Variants in NCALD observed in about 807,000 individuals in gnomAD.
NCALD encodes the protein neurocalcin-delta.
A neutral mutation model predicts 18.6 loss-of-function variants in NCALD; 10 were observed. The observed-to-expected ratio is 0.54, with a 90% CI of 0.33 to 0.91. NCALD has a LOEUF of 0.91. Among genes scored for constraint, NCALD ranks in the 40% least tolerant of loss-of-function variants. The pLI, the probability that NCALD is intolerant of heterozygous loss-of-function variation, is 0.03. For synonymous variants in NCALD, 88 were observed against 87.4 expected, an observed-to-expected ratio of 1.01 and a Z score of -0.04; for missense variants, 184 against 247.6, an observed-to-expected ratio of 0.74 and a Z score of 1.72.
chr8:101,828,774 A>G (rs1158463153), intron 4 of NCALD, among the ~76,000 whole-genome samples: 1 of 151,956 alleles, frequency 6.6e-6, no homozygotes, highest in African/African-American at 2.4e-5. Flanking sequence ...CTTCTTATTC[A>G]TATTTTAAAT....
chr8:101,689,141 G>A lies in NCALD; in HGVS notation c.*168C>T, dbSNP rs1461846711. 5.6e-6 allele frequency: 4 copies of A among 718,256 alleles called. No homozygotes were observed. Among genetic ancestry groups the A allele is most frequent in the African/African-American group, 1.7e-5 (1 of 57,352 alleles). 44.5% of individuals were successfully genotyped at this position (718,256 alleles called of 1,614,324 possible). ...CTGGGGCTCTGGGCATTCCCACGAA[G>A]CATCCACGACAAAAGAAGCTGAAGG... On this transcript the variant is annotated 3_prime_UTR_variant, in exon 4 of 4. Coordinates refer to ENST00000220931, the MANE Select transcript of NCALD (RefSeq NM_032041.3). This position sits in a 1 kb window ranked among gnomAD's most constrained non-coding sequence, Gnocchi z 4.4.
intron 1 of NCALD, among the ~76,000 whole-genome samples, chr8:101,770,628 G>A (rs1434684675): frequency 6.6e-6 from 1 of 152,180 alleles, no homozygotes; most frequent in East Asian, 1.9e-4. Context: ...TGTGCCAGCT[G>A]TCATCTGGGA....
Position 102,077,671 on chromosome 8 carries a change from C to T in NCALD, c.-210+46566G>A, listed in dbSNP as rs576780385. 6.6e-5 allele frequency among the ~76,000 whole-genome samples: 10 copies of T among 152,236 alleles called. No individual in the cohort carries two copies. The South Asian group carries it at 2.1e-3, about 32-fold the overall frequency. On this transcript the variant is annotated intron_variant, in intron 1 of 6. Coordinates refer to the NCALD transcript ENST00000311028. ...ACTTAGTAGACAGCAGGCCTCATAC[C>T]CCCATTCCCTTTAGCGACTACTGAT...
At chr8:101,992,301 A>G (rs1821078018) in intron 2 of NCALD, among the ~76,000 whole-genome samples, 1 of 152,214 alleles carries the variant, frequency 6.6e-6, no homozygotes, top group Non-Finnish European at 1.5e-5. Context: ...AAGTAACAGT[A>G]TATAACCTTT....
At chr8:101,922,529 CAG>C (rs1476864053) in intron 2 of NCALD, among the ~76,000 whole-genome samples, 2 of 152,146 alleles carry the variant, frequency 1.3e-5, no homozygotes, top group African/African-American at 4.8e-5. Context: ...ATAATAACAA[CAG>C]AGTATATATT....
chr8:102,090,761 T>C (rs1824898592), intron 1 of NCALD, among the ~76,000 whole-genome samples: 1 of 152,208 alleles, frequency 6.6e-6, no homozygotes, highest in Non-Finnish European at 1.5e-5. Flanking sequence ...GGAAACTAGT[T>C]GTGAGTATTC....
In NCALD at chr8:101,940,811, T is replaced by A. The variant is rs192822187; in HGVS notation, c.-156-24953A>T. On this transcript the variant is annotated intron_variant, in intron 2 of 6. Coordinates refer to the NCALD transcript ENST00000311028. ...GAATAAAAATGAGTGGTTTCTAAGCTAAAGGTGCATCACACAGAACAGCTA... is the reference window on the plus strand; with the variant it reads ...GAATAAAAATGAGTGGTTTCTAAGCAAAAGGTGCATCACACAGAACAGCTA... Among the ~76,000 whole-genome samples, 6 of 152,294 alleles carry A rather than the reference T, an allele frequency of 3.9e-5. No individual in the cohort carries two copies. The South Asian group carries it at 8.3e-4, about 21-fold the overall frequency.
At chr8:101,691,289 A>C in intron 3 of NCALD, 1 of 985,278 alleles carries the variant, frequency 1.0e-6, no homozygotes. Context: ...AATTTAATTT[A>C]ATTTTAAACA....
intron 2 of NCALD, among the ~76,000 whole-genome samples, chr8:101,933,218 G>A (rs1818640923): frequency 1.3e-5 from 2 of 152,162 alleles, no homozygotes; most frequent in African/African-American, 4.8e-5. Flanking sequence ...AGGAGAAAAG[G>A]GACATTGCAG....
chr8:101,760,117 G>A (rs905541272), intron 1 of NCALD, among the ~76,000 whole-genome samples: 1 of 152,206 alleles, frequency 6.6e-6, no homozygotes, highest in African/African-American at 2.4e-5. Context: ...ATAATACACA[G>A]ATTAGGTCTG....
chr8:102,020,425 T>C (rs1420320725), intron 1 of NCALD: 2 of 152,234 alleles, frequency 1.3e-5, no homozygotes, highest in Non-Finnish European at 2.9e-5. Flanking sequence ...TAGCATTGTA[T>C]CACACTTTAA....
intron 2 of NCALD, among the ~76,000 whole-genome samples, chr8:101,696,199 C>T (rs1814983756): frequency 2.0e-5 from 3 of 152,208 alleles, no homozygotes; most frequent in Admixed American, 2.0e-4. Flanking sequence ...CATCCATCCA[C>T]TCACTCAGTC....
intron 1 of NCALD, among the ~76,000 whole-genome samples, chr8:102,056,643 A>T (rs1823661727): frequency 6.6e-6 from 1 of 152,222 alleles, no homozygotes; most frequent in African/African-American, 2.4e-5. Context: ...GAGAAATCAC[A>T]AGGAGCTATC....
intron 3 of NCALD, among the ~76,000 whole-genome samples, chr8:101,891,589 C>A (rs975021301): frequency 6.6e-6 from 1 of 152,222 alleles, no homozygotes; most frequent in African/African-American, 2.4e-5. Flanking sequence ...TTCTGCATTT[C>A]CATCTGAGGT....
intron 2 of NCALD, among the ~76,000 whole-genome samples, chr8:101,715,398 C>T (rs1220068760): frequency 4.6e-5 from 7 of 152,090 alleles, no homozygotes; most frequent in African/African-American, 1.7e-4. Flanking sequence ...CTAGGCAATA[C>T]CATTCAGGAC....
At chr8:102,041,177 C>T (rs1428096416) in intron 1 of NCALD, among the ~76,000 whole-genome samples, 1 of 152,300 alleles carries the variant, frequency 6.6e-6, no homozygotes, top group Admixed American at 6.5e-5. Flanking sequence ...TGTCTCTATT[C>T]CTCACCTTTG....
At chr8:101,820,782 G>A (rs1403822302) in intron 4 of NCALD, among the ~76,000 whole-genome samples, 1 of 152,160 alleles carries the variant, frequency 6.6e-6, no homozygotes, top group Non-Finnish European at 1.5e-5. Flanking sequence ...GCTGTCCCTT[G>A]ACCCTTAACT....
intron 1 of NCALD, among the ~76,000 whole-genome samples, chr8:102,053,875 C>T (rs1459216650): frequency 6.6e-6 from 1 of 152,204 alleles, no homozygotes; most frequent in Non-Finnish European, 1.5e-5. Flanking sequence ...TCTTTATTCA[C>T]ATATAAATCG....
chr8:101,851,931 T>C (rs924751209), intron 4 of NCALD, among the ~76,000 whole-genome samples: 2 of 152,186 alleles, frequency 1.3e-5, no homozygotes, highest in African/African-American at 4.8e-5. Flanking sequence ...TCTGCCTTCA[T>C]GAATGGGATT....
Sources: gnomAD v4.1 joint callset for allele counts (sites outside exome capture counted in the v4.1 genomes callset) on GRCh38, gnomAD v4.1.1 for gene constraint, Gnocchi (gnomAD v3.1) non-coding constraint, MANE v1.5 for transcripts, NCBI Gene and HGNC (gene_info 2026-07-23, HGNC 2026-07-21) for gene names.